Variants in SPMIP2 observed in about 807,000 individuals in gnomAD.
The protein encoded by SPMIP2 is protein SPMIP2.
chr4:158,979,863 C>T, the SPMIP2 span, among the ~76,000 whole-genome samples: 1 of 146,706 alleles, frequency 6.8e-6, no homozygotes, highest in African/African-American at 2.6e-5. Flanking sequence ...CTGTTCACTC[C>T]TCTGGAAAGG....
chr4:158,973,072 G>A, the SPMIP2 span: 2 of 1,491,736 alleles, frequency 1.3e-6, no homozygotes, highest in East Asian at 4.5e-5. Context: ...AAATTTAAGA[G>A]CAATACCTTG....
the SPMIP2 span, among the ~76,000 whole-genome samples, chr4:159,058,762 A>G: frequency 5.3e-5 from 8 of 152,232 alleles, no homozygotes; most frequent in Non-Finnish European, 8.8e-5. Flanking sequence ...GCATAATTAT[A>G]ATATTGAGAA....
chr4:159,019,085 T>C, the SPMIP2 span, among the ~76,000 whole-genome samples: 1 of 152,074 alleles, frequency 6.6e-6, no homozygotes, highest in Non-Finnish European at 1.5e-5. Flanking sequence ...AGGTCCTGCA[T>C]GTCCTATCTC....
At chr4:159,017,494 G>A in the SPMIP2 span, among the ~76,000 whole-genome samples, 1 of 151,916 alleles carries the variant, frequency 6.6e-6, no homozygotes. Flanking sequence ...CCAAGCTAGA[G>A]TGCAGTGGTG....
chr4:158,909,581 T>G, the SPMIP2 span: 8 of 151,836 alleles, frequency 5.3e-5, no homozygotes, highest in African/African-American at 1.9e-4. Context: ...ATGGTTTTTT[T>G]TTTTTTTTTT....
chr4:159,027,976 T>C, the SPMIP2 span, among the ~76,000 whole-genome samples: 1 of 152,208 alleles, frequency 6.6e-6, no homozygotes, highest in Non-Finnish European at 1.5e-5. Flanking sequence ...ATATTTCTGG[T>C]TTACATGAGC....
the SPMIP2 span, among the ~76,000 whole-genome samples, chr4:158,913,774 G>A: frequency 2.4e-4 from 37 of 151,792 alleles, no homozygotes; most frequent in Admixed American, 8.5e-4. Flanking sequence ...TCAAGGCTGC[G>A]GTGCACTATG....
At chr4:159,041,652 A>G in the SPMIP2 span, among the ~76,000 whole-genome samples, 1 of 152,104 alleles carries the variant, frequency 6.6e-6, no homozygotes, top group Non-Finnish European at 1.5e-5. Context: ...AGAAACTGTC[A>G]TCTCATTCAT....
chr4:159,052,160 C>T, the SPMIP2 span, among the ~76,000 whole-genome samples: 11 of 152,172 alleles, frequency 7.2e-5, no homozygotes, highest in Admixed American at 2.6e-4. Flanking sequence ...CTAAAGCAGA[C>T]GTCTCACACT....
chr4:158,980,412 G>A, the SPMIP2 span, among the ~76,000 whole-genome samples: 2 of 152,352 alleles, frequency 1.3e-5, no homozygotes, highest in Admixed American at 1.3e-4. Flanking sequence ...CTGACTGGGA[G>A]ATACCTCCCA....
chr4:159,021,295 A>G, the SPMIP2 span, among the ~76,000 whole-genome samples: 1 of 152,248 alleles, frequency 6.6e-6, no homozygotes, highest in South Asian at 2.1e-4. Context: ...ATAATGGCCA[A>G]TTGGAGAAAG....
the SPMIP2 span, among the ~76,000 whole-genome samples, chr4:158,985,620 G>C: frequency 1.9e-4 from 28 of 149,506 alleles, no homozygotes; most frequent in South Asian, 8.5e-4. Context: ...ATTAGGTATT[G>C]ATGAGACGTA....
At chr4:159,069,803 A>G in the SPMIP2 span, among the ~76,000 whole-genome samples, 1 of 151,996 alleles carries the variant, frequency 6.6e-6, no homozygotes, top group South Asian at 2.1e-4. Context: ...TGGGATATTT[A>G]ATACAAAGTG....
At chr4:159,082,277 G>C in the SPMIP2 span, among the ~76,000 whole-genome samples, 3 of 151,922 alleles carry the variant, frequency 2.0e-5, no homozygotes, top group African/African-American at 7.3e-5. Flanking sequence ...AGGTTGCAGT[G>C]AGCTGAGATT....
chr4:159,047,101 A>G, the SPMIP2 span, among the ~76,000 whole-genome samples: 1 of 152,230 alleles, frequency 6.6e-6, no homozygotes, highest in African/African-American at 2.4e-5. Flanking sequence ...TGACTTGATC[A>G]GTTTTGTTAG....
chr4:159,063,208 A>T, the SPMIP2 span, among the ~76,000 whole-genome samples: 1 of 152,180 alleles, frequency 6.6e-6, no homozygotes, highest in African/African-American at 2.4e-5. Flanking sequence ...AGGCTTACAA[A>T]ATTAATAAAA....
the SPMIP2 span, among the ~76,000 whole-genome samples, chr4:159,072,750 G>A: frequency 6.6e-6 from 1 of 151,764 alleles, no homozygotes; most frequent in South Asian, 2.1e-4. Flanking sequence ...TTAATCTTAT[G>A]AATTCTTTTT....
the SPMIP2 span, among the ~76,000 whole-genome samples, chr4:159,048,731 C>CTTTT: frequency 5.9e-4 from 66 of 111,460 alleles, no homozygotes; most frequent in Non-Finnish European, 7.2e-4. Context: ...TCCCCTTCCA[C>CTTTT]TTTTTTTTTT....
At chr4:158,959,787 C>T in the SPMIP2 span, among the ~76,000 whole-genome samples, 6 of 151,990 alleles carry the variant, frequency 3.9e-5, no homozygotes, top group South Asian at 1.2e-3. Context: ...TGTGAGCTAC[C>T]CATGTTTCAT....
Sources: gnomAD v4.1 joint callset for allele counts (sites outside exome capture counted in the v4.1 genomes callset) on GRCh38, gnomAD v4.1.1 for gene constraint, MANE v1.5 for transcripts, NCBI Gene and HGNC (gene_info 2026-07-23, HGNC 2026-07-21) for gene names.